The following TBXAS1 variants were observed in gnomAD, a reference collection of about 807,000 sequenced individuals.
TBXAS1 encodes thromboxane-A synthase.
In TBXAS1, 48 loss-of-function variants were observed where a neutral mutation model predicts 60.7. That is an observed-to-expected ratio of 0.79 (90% CI 0.63 to 1.01). The LOEUF is 1.01. TBXAS1 is among the 50% of genes least tolerant of loss of function. The pLI, the probability that TBXAS1 is intolerant of heterozygous loss-of-function variation, is 0.00. For synonymous variants in TBXAS1, 287 were observed against 269.7 expected, an observed-to-expected ratio of 1.06 and a Z score of -0.63; for missense variants, 685 against 686.3, an observed-to-expected ratio of 1.00 and a Z score of 0.02.
chr7:140,007,313 T>A (rs1473240632), intron 10 of TBXAS1, 131 bp downstream of exon 10: 2 of 796,032 alleles, frequency 2.5e-6, no homozygotes, highest in Non-Finnish European at 4.3e-6. Flanking sequence ...GAGTCCTGGG[T>A]TCCTTTGTAT....
intron 1 of TBXAS1, among the ~76,000 whole-genome samples, chr7:139,849,637 A>C (rs1322954747): frequency 1.3e-5 from 2 of 152,138 alleles, no homozygotes; most frequent in Admixed American, 1.3e-4. Context: ...GGTCTGACTG[A>C]TGACGGAGCA....
intron 8 of TBXAS1, among the ~76,000 whole-genome samples, chr7:139,959,007 T>TCACACACACACACACACACA (rs8192836): frequency 5.3e-5 from 8 of 149,740 alleles, no homozygotes; most frequent in Non-Finnish European, 7.4e-5. Context: ...TTGAGAGTGT[T>TCACACACACACACACACACA]CACACACACA....
intron 3 of TBXAS1, among the ~76,000 whole-genome samples, chr7:139,886,122 G>T (rs1803076570): frequency 6.6e-6 from 1 of 152,162 alleles, no homozygotes; most frequent in Non-Finnish European, 1.5e-5. Context: ...CAAGTTTTAT[G>T]ATGCCTGCTT....
At chr7:139,785,662 G>T (rs1455976663) in intron 3 of TBXAS1, among the ~76,000 whole-genome samples, 1 of 151,966 alleles carries the variant, frequency 6.6e-6, no homozygotes, top group African/African-American at 2.4e-5. Context: ...TGACAACATT[G>T]GCTTCCTGCG....
chr7:139,861,365 T>C (rs117387397), intron 1 of TBXAS1, among the ~76,000 whole-genome samples: 2,531 of 151,656 alleles, frequency 0.017, 46 homozygotes, highest in African/African-American at 0.038. Context: ...TCCCAAGTAG[T>C]TAGTACTACA....
At chr7:139,833,690 A>C (rs952466801) in intron 1 of TBXAS1, among the ~76,000 whole-genome samples, 1 of 149,556 alleles carries the variant, frequency 6.7e-6, no homozygotes, top group Non-Finnish European at 1.5e-5. Context: ...TTCTCAAAAA[A>C]ATAAAAAAAA....
intron 1 of TBXAS1, among the ~76,000 whole-genome samples, chr7:139,833,048 G>A (rs761057067): frequency 9.2e-5 from 14 of 151,846 alleles, no homozygotes; most frequent in Non-Finnish European, 1.8e-4. Context: ...ACAAAAATAC[G>A]AGCTAAAAAG....
At chr7:139,997,948 A>G (rs1258684426) in intron 9 of TBXAS1, among the ~76,000 whole-genome samples, 3 of 152,224 alleles carry the variant, frequency 2.0e-5, no homozygotes, top group Non-Finnish European at 4.4e-5. Context: ...CTTTATTCAT[A>G]ATGGCCCCCA....
intron 3 of TBXAS1, among the ~76,000 whole-genome samples, chr7:139,909,557 T>G (rs936211347): frequency 1.3e-5 from 2 of 152,240 alleles, no homozygotes; most frequent in African/African-American, 4.8e-5. Flanking sequence ...TCTCAAAGAT[T>G]TTCCTGACAA....
At chr7:139,812,654 C>G (rs552332099) in intron 4 of TBXAS1, among the ~76,000 whole-genome samples, 45 of 152,190 alleles carry the variant, frequency 3.0e-4, no homozygotes, top group Non-Finnish European at 5.9e-4. Flanking sequence ...CTCCACATTC[C>G]TATCCCCAGT....
upstream of TBXAS1, among the ~76,000 whole-genome samples, chr7:139,828,427 C>T (rs4725784): frequency 0.11 from 16,528 of 152,150 alleles, 1,996 homozygotes; most frequent in East Asian, 0.32. Flanking sequence ...TTCCCACTTC[C>T]GCAAATGGGG....
intron 4 of TBXAS1, among the ~76,000 whole-genome samples, chr7:139,798,680 A>C (rs1797634117): frequency 6.6e-6 from 1 of 152,214 alleles, no homozygotes; most frequent in African/African-American, 2.4e-5. Flanking sequence ...ACCAACCATA[A>C]TTCATGTTCC....
At chr7:139,956,443 G>T (rs964669345) in intron 7 of TBXAS1, among the ~76,000 whole-genome samples, 1 of 152,180 alleles carries the variant, frequency 6.6e-6, no homozygotes, top group Admixed American at 6.5e-5. Flanking sequence ...ACCACACCAG[G>T]ACTTATTTTA....
At chr7:139,797,090 A>G (rs1250068812) in intron 4 of TBXAS1, 1 of 152,238 alleles carries the variant, frequency 6.6e-6, no homozygotes, top group Non-Finnish European at 1.5e-5. Flanking sequence ...TTCAACATGA[A>G]GAAAATCCAT....
At chr7:139,947,101 C>T (rs1808781227) in intron 5 of TBXAS1, among the ~76,000 whole-genome samples, 1 of 152,112 alleles carries the variant, frequency 6.6e-6, no homozygotes, top group Non-Finnish European at 1.5e-5. Context: ...CTGTTGCCCT[C>T]TGTCTGCACC....
At chr7:139,889,648 G>A (rs1054654204) in intron 3 of TBXAS1, among the ~76,000 whole-genome samples, 1 of 152,196 alleles carries the variant, frequency 6.6e-6, no homozygotes, top group African/African-American at 2.4e-5. Context: ...TCATTGTCTG[G>A]TGAGGGCTCA....
chr7:140,002,981 G>A (rs572582677), intron 9 of TBXAS1, among the ~76,000 whole-genome samples: 4 of 151,796 alleles, frequency 2.6e-5, no homozygotes, highest in East Asian at 4.0e-4. Context: ...AAAATTAGCC[G>A]GGCGTGGTGG....
chr7:139,910,792 G>A (rs982033659), intron 3 of TBXAS1, among the ~76,000 whole-genome samples: 2 of 152,200 alleles, frequency 1.3e-5, no homozygotes, highest in African/African-American at 4.8e-5. Flanking sequence ...TTGGTATAAA[G>A]GTTATTGGTC....
chr7:139,845,851 T>C (rs1198039471), intron 1 of TBXAS1, among the ~76,000 whole-genome samples: 2 of 142,954 alleles, frequency 1.4e-5, no homozygotes, highest in Non-Finnish European at 3.0e-5. Flanking sequence ...TTAGACAGGG[T>C]CTTACTCTGT....
Sources: allele counts gnomAD v4.1 joint callset (sites outside exome capture counted in the v4.1 genomes callset), GRCh38; gene constraint gnomAD v4.1.1; transcripts MANE v1.5; gene names NCBI Gene and HGNC (gene_info 2026-07-23, HGNC 2026-07-21).